DBN1: variants seen among roughly 807,000 people sequenced by gnomAD.
DBN1 encodes drebrin.
A neutral mutation model predicts 83.5 loss-of-function variants in DBN1; 21 were observed. That is an observed-to-expected ratio of 0.25 (90% CI 0.18 to 0.36). The LOEUF (loss-of-function observed/expected upper bound fraction) is 0.36, where lower values mean the gene tolerates loss of function less well. DBN1 is among the 10% of genes least tolerant of loss of function. The probability of loss-of-function intolerance (pLI) is 1.00; values close to 1 mark genes in which losing one functional copy is unlikely to be tolerated. For missense variants in DBN1, 874 were observed against 935.7 expected (o/e 0.93, Z 0.86); for synonymous variants, 381 against 384.9 (o/e 0.99, Z 0.12).
intron 8 of DBN1, chr5:177,462,537 G>A (rs1380592717): frequency 5.3e-6 from 2 of 377,964 alleles, no homozygotes; most frequent in Non-Finnish European, 7.3e-6. Context: ...CCCCTCCGCT[G>A]TGAGCAACGC....
chr5:177,457,468 G>C lies in DBN1; in HGVS notation c.2053C>G (p.Pro685Ala). ...DITCWDADPV[P>A]EEEEGFEGGD ...CCCTCGAAGCCCTCCTCCTCTTCTGGAACTGGGTCTGCATCCCAGCATGTG... is the reference window on the plus strand; with the variant it reads ...CCCTCGAAGCCCTCCTCCTCTTCTGCAACTGGGTCTGCATCCCAGCATGTG... Residue 685 changes from proline (P) to alanine (A), a missense_variant, in exon 15 of 15, where the codon CCA becomes GCA. By Grantham distance (27) the Pro-to-Ala change is conservative (BLOSUM62 -1). Transcript: ENST00000393565. 1.2e-6 allele frequency: 2 copies of C among 1,614,158 alleles called. No homozygotes were observed. The highest frequency in any genetic ancestry group is 2.2e-5 in the South Asian group (2 of 91,076).
Position 177,467,852 on chromosome 5 carries a change from G to T in DBN1, c.256-35C>A, listed in dbSNP as rs1428444553. 6.3e-7 allele frequency: 1 copy of T among 1,579,150 alleles called. No homozygotes were observed. On this transcript the variant is annotated intron_variant, in intron 3 of 14. Coordinates refer to ENST00000393565, the MANE Select transcript of DBN1 (RefSeq NM_001363541.2). The surrounding 1 kb of genome is among the most constrained non-coding windows in gnomAD (Gnocchi z 9.1). ...ACCCAGCAAAGAGGGGGTCAGGAAA[G>T]GACAAGGGGGGCCCTACACGATAGG...
At chr5:177,461,091 C>T (rs1026770722) in intron 8 of DBN1, among the ~76,000 whole-genome samples, 136 of 122,056 alleles carry the variant, frequency 1.1e-3, no homozygotes, top group Admixed American at 4.3e-3. Context: ...GCCTTCTGGC[C>T]TTCTTTTTTT....
intron 8 of DBN1, chr5:177,462,387 C>A: frequency 2.0e-6 from 2 of 985,532 alleles, no homozygotes; most frequent in Non-Finnish European, 1.2e-6. Flanking sequence ...CCAGCTGCAG[C>A]GTGGCCACTG....
intron 1 of DBN1, among the ~76,000 whole-genome samples, chr5:177,471,615 G>A (rs1039394699): frequency 6.6e-6 from 1 of 152,160 alleles, no homozygotes; most frequent in African/African-American, 2.4e-5. Flanking sequence ...ATATTCTCTT[G>A]TGTAGAAAGT....
In DBN1 at chr5:177,468,159, G is replaced by A; in HGVS notation, c.204C>T (p.Cys68=). The A allele has an allele frequency of 6.2e-7, 1 of 1,614,160 alleles. No homozygotes were observed. The highest frequency in any genetic ancestry group is 8.5e-7 in the Non-Finnish European group (1 of 1,180,040). The change falls in exon 3 of 15, where the codon TGC becomes TGT. Residue 68 remains cysteine, a synonymous_variant. Coordinates refer to ENST00000393565, the MANE Select transcript of DBN1 (RefSeq NM_001363541.2). ...GAGCAGCTTGGGAGTCCTTGACACT[G>A]CAGAAGCCGTACATCACCTTCTGGT... ...FENQKVMYGF[C]SVKDSQAALP...
chr5:177,468,605 A>G (rs1294072004), intron 2 of DBN1: 3 of 429,804 alleles, frequency 7.0e-6, no homozygotes, highest in Non-Finnish European at 1.2e-5. Context: ...GTGGCTTCAG[A>G]TAAGTCACTT....
At chr5:177,460,373 GA>G (rs1756930707) in intron 10 of DBN1, 58 bp downstream of exon 10, 2 of 1,610,534 alleles carry the variant, frequency 1.2e-6, no homozygotes, top group Non-Finnish European at 1.7e-6. Flanking sequence ...GAGTCCCAGA[GA>G]GGCTCAGGGC....
At chr5:177,472,543 T>A in intron 1 of DBN1, 1 of 655,294 alleles carries the variant, frequency 1.5e-6, no homozygotes, top group Non-Finnish European at 2.1e-6. Flanking sequence ...AGACAACAGC[T>A]GGGGGGCGGG....
intron 1 of DBN1, chr5:177,472,414 A>AC: frequency 7.0e-7 from 1 of 1,418,486 alleles, no homozygotes; most frequent in Non-Finnish European, 9.1e-7. Context: ...GAAGAGTATT[A>AC]CGGGGGGGTT....
chr5:177,467,300 C>T lies in DBN1; in HGVS notation c.510G>A (p.Val170=), dbSNP rs1196295870. The T allele has an allele frequency of 2.5e-6, 4 of 1,614,074 alleles. No homozygotes were observed. In the African/African-American group the frequency reaches 4.0e-5, roughly 16 times the overall value. Residue 170 remains valine, a synonymous_variant, in exon 6 of 15, where the codon GTG becomes GTA. Coordinates refer to ENST00000393565, the MANE Select transcript of DBN1 (RefSeq NM_001363541.2). The surrounding 1 kb of genome is among the most constrained non-coding windows in gnomAD (Gnocchi z 9.1). ...GCTCTCGGTTAATCCGCTTCATTTCCACAGCTGCATCCGTCTTCTGGTAGG... is the reference window on the plus strand; with the variant it reads ...GCTCTCGGTTAATCCGCTTCATTTCTACAGCTGCATCCGTCTTCTGGTAGG... ...GTTYQKTDAA[V]EMKRINREQF...
At chr5:177,459,324 A>G in intron 11 of DBN1, 56 bp from the exon 12 acceptor site, 2 of 1,577,946 alleles carry the variant, frequency 1.3e-6, no homozygotes, top group South Asian at 2.3e-5. Context: ...GTGAGACAGG[A>G]TTGTCCACCT....
In DBN1 at chr5:177,467,214, AT is replaced by A; in HGVS notation, c.555+40del. The A allele has an allele frequency of 6.2e-7, 1 of 1,612,756 alleles. No individual in the cohort carries two copies. The highest frequency in any genetic ancestry group is 1.1e-5 in the South Asian group (1 of 91,050). On this transcript the variant is annotated intron_variant, in intron 6 of 14. Coordinates refer to ENST00000393565, the MANE Select transcript of DBN1 (RefSeq NM_001363541.2). The surrounding 1 kb of genome is among the most constrained non-coding windows in gnomAD (Gnocchi z 9.1). ...GACTCAGACCTGCCCCATGGGGTCC[AT>A]GAGGGGTGGCTCAGCCAGGCCGGGC...
chr5:177,459,285 A>C lies in DBN1; in HGVS notation c.1094-17T>G. ...GGTGGCTGCCTGTGGAACAAACCCC[A>C]GGTGGGTCAGTGAGGGCGGGGGAGC... On this transcript the variant is annotated splice_polypyrimidine_tract_variant and intron_variant, in intron 11 of 14. Coordinates refer to ENST00000393565, the MANE Select transcript of DBN1 (RefSeq NM_001363541.2). The C allele has an allele frequency of 6.2e-7, 1 of 1,601,058 alleles. No individual in the cohort carries two copies. Among genetic ancestry groups the C allele is most frequent in the Non-Finnish European group, 8.5e-7 (1 of 1,178,256 alleles).
intron 8 of DBN1, among the ~76,000 whole-genome samples, chr5:177,463,092 A>AAG (rs1328743881): frequency 1.3e-5 from 2 of 151,884 alleles, no homozygotes; most frequent in Non-Finnish European, 2.9e-5. Context: ...GCTGGAGTGC[A>AAG]GTGGCGAGAT....
At chr5:177,464,750 G>A (rs1757303521) in intron 8 of DBN1, among the ~76,000 whole-genome samples, 2 of 151,968 alleles carry the variant, frequency 1.3e-5, no homozygotes, top group Admixed American at 1.3e-4. Context: ...GATCAGCTTG[G>A]CCAACATGGT....
chr5:177,470,176 G>T (rs1757741633), intron 1 of DBN1, among the ~76,000 whole-genome samples: 1 of 152,266 alleles, frequency 6.6e-6, no homozygotes, highest in Non-Finnish European at 1.5e-5. Context: ...GGGAGCTCCT[G>T]GTCCAACTGT....
Position 177,466,695 on chromosome 5 carries a change from C to T in DBN1, c.771+77G>A. 1 of 1,533,480 alleles carries T rather than the reference C, an allele frequency of 6.5e-7. No homozygotes were observed. The allele number at this position is 1,533,480 out of a possible 1,614,324, so 95.0% of individuals were successfully genotyped here. On this transcript the variant is annotated intron_variant, in intron 8 of 14. Coordinates refer to ENST00000393565, the MANE Select transcript of DBN1 (RefSeq NM_001363541.2). The surrounding 1 kb of genome is among the most constrained non-coding windows in gnomAD (Gnocchi z 4.8). ...ACCACTGTCCCTGAGCCACTGATCT[C>T]CCCACAAGGCCCAGGAACACAGGGA...
At position 177,466,054 on chromosome 5, in the gene DBN1, G is replaced by A. The variant is rs1757423792; in HGVS notation, c.771+718C>T. ...AGTGACTTAATGCTGCTGCCTGCAG[G>A]ACTGTCTTGCCTCCTCTCTCTCAGC... On this transcript the variant is annotated intron_variant, in intron 8 of 14. Coordinates refer to ENST00000393565, the MANE Select transcript of DBN1 (RefSeq NM_001363541.2). The surrounding 1 kb of genome is among the most constrained non-coding windows in gnomAD (Gnocchi z 4.8). Among the ~76,000 whole-genome samples the A allele has an allele frequency of 6.6e-6, 1 of 151,996 alleles. No homozygotes were observed.
Sources: allele counts gnomAD v4.1 joint callset (sites outside exome capture counted in the v4.1 genomes callset), GRCh38; gene constraint gnomAD v4.1.1; non-coding constraint Gnocchi (gnomAD v3.1); transcripts MANE v1.5; gene names NCBI Gene and HGNC (gene_info 2026-07-23, HGNC 2026-07-21).